CNTNAP2: variants seen among roughly 807,000 people sequenced by gnomAD.
CNTNAP2 encodes contactin-associated protein-like 2.
Under a neutral mutation model 155.2 loss-of-function variants are expected in CNTNAP2, and 98 were observed. That is an observed-to-expected ratio of 0.63 (90% CI 0.54 to 0.75). The LOEUF (loss-of-function observed/expected upper bound fraction) is 0.75. Ranked by LOEUF, CNTNAP2 falls within the 30% of genes least tolerant of loss-of-function variation. The pLI is 0.00. For missense variants in CNTNAP2, 1,727 were observed against 1,688.1 expected (o/e 1.02, Z -0.40); for synonymous variants, 651 against 631.2 (o/e 1.03, Z -0.47).
chr7:146,736,034 T>C (rs1467317146), intron 1 of CNTNAP2, among the ~76,000 whole-genome samples: 3 of 152,180 alleles, frequency 2.0e-5, no homozygotes, highest in Admixed American at 6.5e-5. Flanking sequence ...TGTGTACAAT[T>C]ATTATAGGTC....
intron 13 of CNTNAP2, among the ~76,000 whole-genome samples, chr7:147,811,975 A>G (rs1015147397): frequency 3.9e-5 from 6 of 152,208 alleles, no homozygotes; most frequent in Non-Finnish European, 7.3e-5. Context: ...TAAACAAAGT[A>G]TAGAGTAGAT....
chr7:148,226,846 G>A (rs1459941997), intron 19 of CNTNAP2, among the ~76,000 whole-genome samples: 1 of 152,212 alleles, frequency 6.6e-6, no homozygotes, highest in Admixed American at 6.5e-5. Context: ...CAAGTCGCCC[G>A]CTTGGCCCTC....
At chr7:147,125,771 G>T (rs750292087) in intron 6 of CNTNAP2, among the ~76,000 whole-genome samples, 5 of 152,090 alleles carry the variant, frequency 3.3e-5, no homozygotes, top group Non-Finnish European at 7.4e-5. Flanking sequence ...GAATCTAATC[G>T]CATTCTTTCC....
At chr7:146,151,635 GATATAT>G (rs1226681385) in intron 1 of CNTNAP2, among the ~76,000 whole-genome samples, 569 of 36,104 alleles carry the variant, frequency 0.016, 7 homozygotes, top group South Asian at 0.019. Context: ...AAGAAAACGT[GATATAT>G]ATATATATAT....
intron 1 of CNTNAP2, among the ~76,000 whole-genome samples, chr7:146,120,838 T>C (rs997454524): frequency 6.6e-6 from 1 of 152,194 alleles, no homozygotes; most frequent in Non-Finnish European, 1.5e-5. Context: ...CAACAACCCA[T>C]ACCAAATAGT....
chr7:148,292,939 A>T (rs1197409411), intron 21 of CNTNAP2, among the ~76,000 whole-genome samples: 1 of 151,742 alleles, frequency 6.6e-6, no homozygotes, highest in Non-Finnish European at 1.5e-5. Flanking sequence ...TAATTGCCTG[A>T]GCCATCTACA....
chr7:146,354,086 C>G (rs188336251), intron 1 of CNTNAP2, among the ~76,000 whole-genome samples: 10 of 152,222 alleles, frequency 6.6e-5, no homozygotes, highest in South Asian at 2.1e-4. Flanking sequence ...CTGCAGCCCT[C>G]CAGAACTCTG....
At chr7:146,903,703 G>C (rs1159368156) in intron 3 of CNTNAP2, among the ~76,000 whole-genome samples, 1 of 152,130 alleles carries the variant, frequency 6.6e-6, no homozygotes, top group African/African-American at 2.4e-5. Flanking sequence ...GTCACCAGAG[G>C]CCTGCAGAGA....
chr7:146,536,005 A>G (rs802000), intron 1 of CNTNAP2, among the ~76,000 whole-genome samples: 68,068 of 151,948 alleles, frequency 0.45, 17,301 homozygotes, highest in African/African-American at 0.7. Context: ...GAACTTCAGC[A>G]AGGTAAGTAT....
At position 147,121,428 on chromosome 7, in the gene CNTNAP2, A is replaced by C. The variant is rs1366140866; in HGVS notation, c.939+265A>C. 7.9e-5 allele frequency: 28 copies of C among 355,782 alleles called. 1 individual carries two copies. The South Asian group carries it at 7.9e-4, about 10-fold the overall frequency. 22.0% of individuals were successfully genotyped at this position (355,782 alleles called of 1,614,324 possible). On this transcript the variant is annotated intron_variant, in intron 6 of 23. Coordinates refer to ENST00000361727, the MANE Select transcript of CNTNAP2 (RefSeq NM_014141.6). ...ACCATGCTATCCAGGCCATTTAATA[A>C]ATTCAGAATAAATTTAATTTGTAAT...
intron 9 of CNTNAP2, among the ~76,000 whole-genome samples, chr7:147,343,424 G>A (rs1795796801): frequency 6.6e-6 from 1 of 152,014 alleles, no homozygotes; most frequent in Non-Finnish European, 1.5e-5. Flanking sequence ...AATATGGCTT[G>A]GTTAAGTGGA....
At chr7:146,547,705 C>T (rs138098192) in intron 1 of CNTNAP2, among the ~76,000 whole-genome samples, 1 of 152,004 alleles carries the variant, frequency 6.6e-6, no homozygotes, top group Non-Finnish European at 1.5e-5. Flanking sequence ...TGCGCTCATC[C>T]ATTAATGAAC....
rs565147674 is a variant in CNTNAP2 at position 147,897,996 on chromosome 7, G to T, written c.2099-5569G>T. ...GGGTGGACCTTTATGTCAGAAAGCG[G>T]GCATGTTTCTCCCTTTGGAACAGGG... is the stretch of plus-strand genomic sequence containing the variant. On this transcript the variant is annotated intron_variant, in intron 13 of 23. Coordinates refer to ENST00000361727, the MANE Select transcript of CNTNAP2 (RefSeq NM_014141.6). 2.6e-5 allele frequency among the ~76,000 whole-genome samples: 4 copies of T among 152,312 alleles called. 1 individual carries two copies. The highest frequency in any genetic ancestry group is 4.1e-4 in the South Asian group (2 of 4,828).
chr7:148,229,726 G>A lies in CNTNAP2; in HGVS notation c.3328G>A (p.Gly1110Arg). Residue 1110 changes from glycine to arginine, a missense_variant, in exon 20 of 24, where the codon GGA (glycine) becomes AGA (arginine). Coordinates refer to ENST00000361727, the MANE Select transcript of CNTNAP2 (RefSeq NM_014141.6). ...CGTAGACCACAGGAACATGGCCAAT[G>A]GACAGCCCCACAGTGTCAACATCAC... The part of the protein sequence containing the change: ...IDVDHRNMAN[G>R]QPHSVNITRH... 2 of 1,614,016 alleles carry A rather than the reference G, an allele frequency of 1.2e-6. No homozygotes were observed. Among genetic ancestry groups the A allele is most frequent in the Non-Finnish European group, 1.7e-6 (2 of 1,179,996 alleles).
At chr7:146,503,779 G>T (rs1296137437) in intron 1 of CNTNAP2, among the ~76,000 whole-genome samples, 4 of 152,072 alleles carry the variant, frequency 2.6e-5, no homozygotes, top group African/African-American at 9.7e-5. Flanking sequence ...TCTCTATTCT[G>T]TTCCCTTGGC....
intron 21 of CNTNAP2, among the ~76,000 whole-genome samples, chr7:148,347,384 T>G (rs1798346438): frequency 1.3e-5 from 2 of 151,966 alleles, no homozygotes; most frequent in Non-Finnish European, 2.9e-5. Flanking sequence ...CTAACCCGAG[T>G]TACTTGGAAA....
intron 10 of CNTNAP2, among the ~76,000 whole-genome samples, chr7:147,464,493 G>A (rs980786760): frequency 2.1e-5 from 3 of 145,364 alleles, no homozygotes; most frequent in African/African-American, 7.6e-5. Flanking sequence ...AAAAAAAAGT[G>A]CGTGTTTGTG....
Position 148,252,997 on chromosome 7 carries a change from GATAGATAGATAC to G in CNTNAP2, c.3382-14024_3382-14013del, listed in dbSNP as rs147376968. ...GGTGATCCTATGCCAGAATAACAGA[GATAGATAGATAC>G]ATAGATAGATAGATAGATAGATAGA... On this transcript the variant is annotated intron_variant, in intron 20 of 23. Coordinates refer to ENST00000361727, the MANE Select transcript of CNTNAP2 (RefSeq NM_014141.6). 4.7e-3 allele frequency among the ~76,000 whole-genome samples: 671 copies of G among 142,470 alleles called. 5 individuals carry two copies. The highest frequency in any genetic ancestry group is 0.017 in the African/African-American group (637 of 37,246). The allele number at this position is 142,470 out of a possible 152,430, so 93.5% of individuals were successfully genotyped here. A position where few individuals can be genotyped will look rare whatever the true frequency, so the allele number is the denominator to read the frequency against.
intron 1 of CNTNAP2, among the ~76,000 whole-genome samples, chr7:146,599,883 T>C (rs1182930517): frequency 1.3e-5 from 2 of 152,178 alleles, no homozygotes; most frequent in East Asian, 3.8e-4. Flanking sequence ...AATTATGTAC[T>C]CTATGCTTTT....
Sources: allele counts gnomAD v4.1 joint callset (sites outside exome capture counted in the v4.1 genomes callset), GRCh38; gene constraint gnomAD v4.1.1; transcripts MANE v1.5; gene names NCBI Gene and HGNC (gene_info 2026-07-23, HGNC 2026-07-21).